Variants in KLF12 observed in about 807,000 individuals in gnomAD.
KLF12 encodes the protein KLF transcription factor 12.
A neutral mutation model predicts 37.8 loss-of-function variants in KLF12; 9 were observed. The observed-to-expected ratio is 0.24, with a 90% CI of 0.14 to 0.42. KLF12 has a LOEUF of 0.42. Among genes scored for constraint, KLF12 ranks in the 10% least tolerant of loss-of-function variants. The pLI, the probability that KLF12 is intolerant of heterozygous loss-of-function variation, is 1.00. For missense variants in KLF12, 411 were observed against 516.0 expected (o/e 0.80, Z 1.97); for synonymous variants, 208 against 202.1 (o/e 1.03, Z -0.25).
chr13:74,198,715 A>T, the KLF12 span, among the ~76,000 whole-genome samples: 1 of 152,120 alleles, frequency 6.6e-6, no homozygotes, highest in Non-Finnish European at 1.5e-5. Context: ...CCCAGTATAG[A>T]TAGTTTGAGA....
chr13:73,790,571 T>G (rs565133316), intron 5 of KLF12, among the ~76,000 whole-genome samples: 1 of 152,340 alleles, frequency 6.6e-6, no homozygotes, highest in East Asian at 1.9e-4. Flanking sequence ...CAAAATAAAG[T>G]TATGCATATA....
chr13:73,939,383 G>A (rs192247289), intron 3 of KLF12, among the ~76,000 whole-genome samples: 171 of 151,694 alleles, frequency 1.1e-3, no homozygotes, highest in Middle Eastern at 0.01. Flanking sequence ...CATTTTTTTG[G>A]TTCCATGATT....
chr13:74,132,717 G>A (rs1050557932), intron 1 of KLF12, among the ~76,000 whole-genome samples: 2 of 152,202 alleles, frequency 1.3e-5, no homozygotes, highest in Admixed American at 6.5e-5. Context: ...GGTGAAGGGG[G>A]TTGGGAAGCT....
chr13:74,288,446 A>G, the KLF12 span, among the ~76,000 whole-genome samples: 6 of 152,158 alleles, frequency 3.9e-5, no homozygotes, highest in Non-Finnish European at 5.9e-5. Flanking sequence ...TCTGAAAGTC[A>G]TTTTCCAAAA....
At chr13:74,295,527 G>A in the KLF12 span, among the ~76,000 whole-genome samples, 1 of 152,120 alleles carries the variant, frequency 6.6e-6, no homozygotes, top group African/African-American at 2.4e-5. Context: ...AAATATACTT[G>A]CTGTAATGTG....
chr13:73,833,456 C>T (rs894572850), intron 4 of KLF12, among the ~76,000 whole-genome samples: 2 of 152,098 alleles, frequency 1.3e-5, no homozygotes, highest in Non-Finnish European at 2.9e-5. Flanking sequence ...GAACACCAGG[C>T]GACTACAGAT....
chr13:74,277,287 C>T, the KLF12 span, among the ~76,000 whole-genome samples: 1 of 152,154 alleles, frequency 6.6e-6, no homozygotes, highest in East Asian at 1.9e-4. Flanking sequence ...ATTTGTTGGT[C>T]TAAATAGGTA....
At chr13:74,064,750 C>A (rs1172781017) in intron 1 of KLF12, among the ~76,000 whole-genome samples, 1 of 152,140 alleles carries the variant, frequency 6.6e-6, no homozygotes, top group Non-Finnish European at 1.5e-5. Flanking sequence ...TACTAACCAT[C>A]AAATTTTAGA....
chr13:74,272,595 T>C, the KLF12 span, among the ~76,000 whole-genome samples: 1 of 152,096 alleles, frequency 6.6e-6, no homozygotes, highest in Non-Finnish European at 1.5e-5. Flanking sequence ...AACCCTTACC[T>C]AGGAGGGGAC....
intron 2 of KLF12, among the ~76,000 whole-genome samples, chr13:73,974,569 T>C (rs1891453423): frequency 6.6e-6 from 1 of 152,180 alleles, no homozygotes; most frequent in African/African-American, 2.4e-5. Context: ...AAATAAACTC[T>C]TTAATAATAA....
intron 3 of KLF12, among the ~76,000 whole-genome samples, chr13:73,906,041 T>A (rs1888274408): frequency 6.6e-6 from 1 of 152,158 alleles, no homozygotes; most frequent in African/African-American, 2.4e-5. Context: ...GATTGCCTTT[T>A]CATCATTACT....
At chr13:73,716,991 A>G (rs1875864790) in intron 6 of KLF12, among the ~76,000 whole-genome samples, 2 of 152,204 alleles carry the variant, frequency 1.3e-5, no homozygotes, top group African/African-American at 4.8e-5. Context: ...AAGACATTTT[A>G]ACTTAGATCG....
chr13:74,072,366 TA>T (rs1228510277), intron 1 of KLF12, among the ~76,000 whole-genome samples: 1 of 39,676 alleles, frequency 2.5e-5, no homozygotes, highest in African/African-American at 1.3e-4. Context: ...GAAATACAAA[TA>T]TATATATATA....
At chr13:73,792,669 T>C (rs1881757397) in intron 5 of KLF12, among the ~76,000 whole-genome samples, 1 of 152,182 alleles carries the variant, frequency 6.6e-6, no homozygotes, top group Non-Finnish European at 1.5e-5. Flanking sequence ...TGTATACAAA[T>C]GTAAAAATTC....
At chr13:73,995,542 AC>A (rs1440875708) in intron 1 of KLF12, among the ~76,000 whole-genome samples, 1 of 152,260 alleles carries the variant, frequency 6.6e-6, no homozygotes, top group Non-Finnish European at 1.5e-5. Flanking sequence ...TACAGTTGAT[AC>A]AAATGTGCAA....
chr13:73,698,778 T>C (rs922823585), intron 7 of KLF12, among the ~76,000 whole-genome samples: 5 of 152,140 alleles, frequency 3.3e-5, no homozygotes, highest in African/African-American at 1.2e-4. Context: ...CTTTACTATC[T>C]AGTCTTCTAT....
intron 1 of KLF12, among the ~76,000 whole-genome samples, chr13:74,005,939 C>T (rs1306976291): frequency 6.6e-6 from 1 of 152,116 alleles, no homozygotes; most frequent in African/African-American, 2.4e-5. Context: ...TTTTTAAATG[C>T]TTTTGATCTG....
At chr13:73,849,862 GA>G (rs1349316490) in intron 3 of KLF12, among the ~76,000 whole-genome samples, 1 of 152,092 alleles carries the variant, frequency 6.6e-6, no homozygotes, top group Non-Finnish European at 1.5e-5. Context: ...GACTATAGCT[GA>G]ATTTTTGCTG....
At chr13:73,909,018 A>C (rs1270155678) in intron 3 of KLF12, among the ~76,000 whole-genome samples, 1 of 152,236 alleles carries the variant, frequency 6.6e-6, no homozygotes, top group Non-Finnish European at 1.5e-5. Flanking sequence ...TGGCCAGAGT[A>C]TAAAGACCAT....
Sources: gnomAD v4.1 joint callset for allele counts (sites outside exome capture counted in the v4.1 genomes callset) on GRCh38, gnomAD v4.1.1 for gene constraint, MANE v1.5 for transcripts, NCBI Gene and HGNC (gene_info 2026-07-23, HGNC 2026-07-21) for gene names.